The following SLC25A13 variants were observed in gnomAD, a reference collection of about 807,000 sequenced individuals.
The protein encoded by SLC25A13 is electrogenic aspartate/glutamate antiporter SLC25A13, mitochondrial.
SLC25A13 carries 70 observed loss-of-function variants against 85.5 expected under a neutral mutation model. The observed-to-expected ratio is 0.82, with a 90% CI of 0.68 to 1.00. SLC25A13 has a LOEUF of 1.00. Among genes scored for constraint, SLC25A13 ranks in the 50% least tolerant of loss-of-function variants. The pLI, the probability that SLC25A13 is intolerant of heterozygous loss-of-function variation, is 0.00. For missense variants in SLC25A13, 765 were observed against 819.8 expected, an observed-to-expected ratio of 0.93 and a Z score of 0.82; for synonymous variants, 259 against 288.7, an observed-to-expected ratio of 0.90 and a Z score of 1.04.
chr7:96,234,577 A>C (rs1294050781), intron 4 of SLC25A13, among the ~76,000 whole-genome samples: 1 of 152,156 alleles, frequency 6.6e-6, no homozygotes, highest in Non-Finnish European at 1.5e-5. Flanking sequence ...CCTCACCTTA[A>C]AACTAAATCA....
rs2116425913 is a variant in SLC25A13 at position 96,131,825 on chromosome 7, G to A, written c.1509C>T (p.Cys503=). The A allele has an allele frequency of 9.3e-6, 15 of 1,614,082 alleles. No homozygotes were observed. Among genetic ancestry groups the A allele is most frequent in the Non-Finnish European group, 1.3e-5 (15 of 1,180,006 alleles). ...CAAAGGAAGCCTTCACATGAGCATA[G>A]CACGGAAAGTAGATGGCCGAGAAAG... ...DIPFSAIYFP[C]YAHVKASFAN... Residue 503 remains cysteine, a synonymous_variant, in exon 15 of 18, where the codon TGC becomes TGT. Coordinates refer to ENST00000265631, the MANE Select transcript of SLC25A13 (RefSeq NM_014251.3).
intron 1 of SLC25A13, among the ~76,000 whole-genome samples, chr7:96,300,055 A>T (rs1025355141): frequency 2.6e-5 from 4 of 152,206 alleles, no homozygotes; most frequent in Non-Finnish European, 5.9e-5. Context: ...GTACAAGCCT[A>T]AAAATCAAAA....
chr7:96,201,982 C>G (rs1174358611), intron 5 of SLC25A13, among the ~76,000 whole-genome samples: 1 of 152,158 alleles, frequency 6.6e-6, no homozygotes, highest in African/African-American at 2.4e-5. Context: ...CACCCGGGAG[C>G]AGCAGACTTC....
chr7:96,271,043 A>G (rs1440343728), intron 3 of SLC25A13, among the ~76,000 whole-genome samples: 1 of 152,182 alleles, frequency 6.6e-6, no homozygotes. Flanking sequence ...ATCCAGAGTA[A>G]TATCTTCATC....
At chr7:96,262,031 A>G (rs920401098) in intron 3 of SLC25A13, among the ~76,000 whole-genome samples, 1 of 152,198 alleles carries the variant, frequency 6.6e-6, no homozygotes, top group Non-Finnish European at 1.5e-5. Context: ...CAATAGACTA[A>G]GTTTCCAACA....
chr7:96,169,891 G>A (rs929486004), intron 13 of SLC25A13, 154 bp downstream of exon 13: 6 of 752,338 alleles, frequency 8.0e-6, no homozygotes, highest in Admixed American at 2.1e-5. Flanking sequence ...GGAATGGTTC[G>A]CCTGTCTAGG....
chr7:96,236,883 G>A (rs1385969790), intron 3 of SLC25A13, among the ~76,000 whole-genome samples: 5 of 152,196 alleles, frequency 3.3e-5, no homozygotes, highest in Non-Finnish European at 4.4e-5. Context: ...ACTGAGGCTG[G>A]TTGGAACCAA....
At chr7:96,132,001 A>G in intron 14 of SLC25A13, 120 bp from the exon 15 acceptor site, 1 of 1,253,720 alleles carries the variant, frequency 8.0e-7, no homozygotes, top group East Asian at 2.3e-5. Context: ...TTGTACTCAC[A>G]CATTGAAAGG....
intron 1 of SLC25A13, among the ~76,000 whole-genome samples, chr7:96,305,009 A>G (rs944484607): frequency 6.6e-6 from 1 of 152,216 alleles, no homozygotes; most frequent in Non-Finnish European, 1.5e-5. Context: ...AACGATAACA[A>G]TGACCAGCTA....
intron 10 of SLC25A13, 23 bp downstream of exon 10, chr7:96,184,904 T>C (rs1237363985): frequency 1.3e-6 from 2 of 1,592,664 alleles, no homozygotes; most frequent in East Asian, 4.5e-5. Context: ...AAAGTGAAAA[T>C]TTTTCTCTCA....
At chr7:96,145,842 T>C (rs1792761999) in intron 14 of SLC25A13, among the ~76,000 whole-genome samples, 1 of 152,236 alleles carries the variant, frequency 6.6e-6, no homozygotes, top group Non-Finnish European at 1.5e-5. Flanking sequence ...TATACATTTC[T>C]GTGTAAATAA....
chr7:96,217,882 T>C (rs1388718059), intron 4 of SLC25A13, among the ~76,000 whole-genome samples: 2 of 145,038 alleles, frequency 1.4e-5, no homozygotes, highest in Admixed American at 7.0e-5. Context: ...GTAAATTATA[T>C]CTCAACAAAG....
chr7:96,225,199 G>A (rs1796286533), intron 4 of SLC25A13, among the ~76,000 whole-genome samples: 1 of 152,058 alleles, frequency 6.6e-6, no homozygotes, highest in African/African-American at 2.4e-5. Context: ...CTTTCCTTTG[G>A]CCCCCTTCCT....
chr7:96,164,967 C>T (rs1430016928), intron 13 of SLC25A13, among the ~76,000 whole-genome samples: 1 of 151,976 alleles, frequency 6.6e-6, no homozygotes, highest in Non-Finnish European at 1.5e-5. Context: ...ATAAATGAGT[C>T]CATTATCAGA....
chr7:96,121,358 G>A lies in SLC25A13; in HGVS notation c.1861C>T (p.Pro621Ser). 1 of 1,614,158 alleles carries A rather than the reference G, an allele frequency of 6.2e-7. No individual in the cohort carries two copies. The highest frequency in any genetic ancestry group is 8.5e-7 in the Non-Finnish European group (1 of 1,180,020). ...AGGTTGATCCTGGATTTAGGAACTG[G>A]CTCTGATCCCATGGGTTTTCTAAAA... ...FGGVKPMGSE[P>S]VPKSRINLPA... Residue 621 changes from proline (P) to serine (S), a missense_variant, in exon 18 of 18, where the codon CCA (proline) becomes TCA (serine). Pro to Ser is a moderately conservative substitution (Grantham distance 74). Coordinates refer to ENST00000265631, the MANE Select transcript of SLC25A13 (RefSeq NM_014251.3).
At chr7:96,249,513 T>C (rs916564026) in intron 3 of SLC25A13, among the ~76,000 whole-genome samples, 4 of 152,236 alleles carry the variant, frequency 2.6e-5, no homozygotes, top group Non-Finnish European at 5.9e-5. Flanking sequence ...ATTTTGCTCA[T>C]GGAAGAACCT....
chr7:96,155,874 A>C (rs1793242089), intron 13 of SLC25A13, among the ~76,000 whole-genome samples: 1 of 152,154 alleles, frequency 6.6e-6, no homozygotes, highest in Non-Finnish European at 1.5e-5. Context: ...TCTAGAGATG[A>C]GATGGAGGCA....
At chr7:96,131,906 A>C (rs756599320) in intron 14 of SLC25A13, 25 bp from the exon 15 acceptor site, 1 of 1,613,816 alleles carries the variant, frequency 6.2e-7, no homozygotes, top group Non-Finnish European at 8.5e-7. Context: ...AGGAAGAAAA[A>C]CCACATGAAA....
At chr7:96,284,822 T>C (rs1051639314) in intron 2 of SLC25A13, among the ~76,000 whole-genome samples, 1 of 152,240 alleles carries the variant, frequency 6.6e-6, no homozygotes, top group Non-Finnish European at 1.5e-5. Context: ...TCTCTAGCCA[T>C]GTGGAACTGT....
Sources: allele counts gnomAD v4.1 joint callset (sites outside exome capture counted in the v4.1 genomes callset), GRCh38; gene constraint gnomAD v4.1.1; transcripts MANE v1.5; gene names NCBI Gene and HGNC (gene_info 2026-07-23, HGNC 2026-07-21).